UBASH3A: variants seen among roughly 807,000 people sequenced by gnomAD.
The protein encoded by UBASH3A is ubiquitin-associated and SH3 domain-containing protein A.
A neutral mutation model predicts 73.5 loss-of-function variants in UBASH3A; 63 were observed. The observed-to-expected ratio is 0.86, with a 90% CI of 0.70 to 1.06. The LOEUF (loss-of-function observed/expected upper bound fraction) is 1.06, where lower values mean the gene tolerates loss of function less well. Ranked by LOEUF, UBASH3A falls within the 50% of genes least tolerant of loss-of-function variation. The pLI is 0.00. For missense variants in UBASH3A, 860 were observed against 859.0 expected, an observed-to-expected ratio of 1.00 and a Z score of -0.02; for synonymous variants, 363 against 351.1, an observed-to-expected ratio of 1.03 and a Z score of -0.38.
At chr21:42,433,118 G>A (rs758484279) in intron 9 of UBASH3A, among the ~76,000 whole-genome samples, 8 of 152,058 alleles carry the variant, frequency 5.3e-5, no homozygotes, top group African/African-American at 7.3e-5. Context: ...AAAAATATTT[G>A]GTCATCTGGA....
chr21:42,433,949 G>C (rs2053581778), intron 9 of UBASH3A, among the ~76,000 whole-genome samples: 1 of 152,182 alleles, frequency 6.6e-6, no homozygotes, highest in Non-Finnish European at 1.5e-5. Context: ...GGTCAGTGTG[G>C]CTGCTGGAAC....
chr21:42,439,846 CACA>C, intron 11 of UBASH3A, among the ~76,000 whole-genome samples: 1 of 148,248 alleles, frequency 6.7e-6, no homozygotes, highest in African/African-American at 2.5e-5. Context: ...ACACACAACA[CACA>C]ACACACACAC....
chr21:42,408,065 G>A (rs2053014617), intron 2 of UBASH3A, among the ~76,000 whole-genome samples: 4 of 152,190 alleles, frequency 2.6e-5, no homozygotes, highest in South Asian at 2.1e-4. Context: ...CTATAAGTCC[G>A]TTACTTAAAT....
At chr21:42,429,103 C>T (rs1180428485) in intron 8 of UBASH3A, among the ~76,000 whole-genome samples, 2 of 152,208 alleles carry the variant, frequency 1.3e-5, no homozygotes, top group African/African-American at 2.4e-5. Context: ...GGAGGCCATG[C>T]AGCCAGAGAG....
intron 11 of UBASH3A, among the ~76,000 whole-genome samples, chr21:42,439,171 C>T (rs2053684913): frequency 6.6e-6 from 1 of 152,176 alleles, no homozygotes; most frequent in South Asian, 2.1e-4. Flanking sequence ...CATTCCTGTC[C>T]TGTGCTCTCA....
chr21:42,413,108 CCTCTGG>C lies in UBASH3A; in HGVS notation c.444_449del (p.Ala149_Leu150del), dbSNP rs766846330. On this transcript the variant is annotated inframe_deletion, in exon 4 of 15. Coordinates refer to ENST00000319294, the MANE Select transcript of UBASH3A (RefSeq NM_018961.4). The surrounding 1 kb of genome is among the most constrained non-coding windows in gnomAD (Gnocchi z 4.5). Reference sequence around the variant, plus strand: ...CCTGGGCTCCTTCCCCACGGCCGTGCCTCTGGCTCTCCACTCCTCCATCAGCTACCT... The same window carrying C: ...CCTGGGCTCCTTCCCCACGGCCGTGCCTCTCCACTCCTCCATCAGCTACCT... 1 of 1,614,226 alleles carries C rather than the reference CCTCTGG, an allele frequency of 6.2e-7. No individual in the cohort carries two copies. Among genetic ancestry groups the C allele is most frequent in the South Asian group, 1.1e-5 (1 of 91,088 alleles).
chr21:42,421,878 A>G (rs1170304295), intron 7 of UBASH3A, among the ~76,000 whole-genome samples: 1 of 152,250 alleles, frequency 6.6e-6, no homozygotes, highest in African/African-American at 2.4e-5. Context: ...AGATGGTTTA[A>G]TAGTACCTGA....
In UBASH3A at chr21:42,432,100, C is replaced by CA. The variant is rs1568931013; in HGVS notation, c.1171-2dup. 2 of 1,608,128 alleles carry CA rather than the reference C, an allele frequency of 1.2e-6. No individual in the cohort carries two copies. Among genetic ancestry groups the CA allele is most frequent in the Non-Finnish European group, 1.7e-6 (2 of 1,175,524 alleles). ...GTGCCTTGCTTCCTGCCCCACCCCC[C>CA]AGGCTACCGTTGCAAGGAAGAGCGT... On this transcript the variant is annotated splice_region_variant and splice_polypyrimidine_tract_variant and intron_variant, in intron 8 of 14. Coordinates refer to ENST00000319294, the MANE Select transcript of UBASH3A (RefSeq NM_018961.4).
intron 3 of UBASH3A, among the ~76,000 whole-genome samples, chr21:42,411,356 C>T (rs1238763275): frequency 1.3e-5 from 2 of 152,098 alleles, no homozygotes; most frequent in Non-Finnish European, 2.9e-5. Flanking sequence ...CACACAGACA[C>T]ACACAGAGAC....
chr21:42,442,349 T>G lies in UBASH3A; in HGVS notation c.1487-103T>G. ...AAATCACACTGTTTAAAAGGCATGA[T>G]TTAGACGTGTGTGTGACGGTCTGAG... On this transcript the variant is annotated intron_variant, in intron 11 of 14. Coordinates refer to ENST00000319294, the MANE Select transcript of UBASH3A (RefSeq NM_018961.4). The G allele has an allele frequency of 4.2e-6, 5 of 1,190,768 alleles. No individual in the cohort carries two copies. In the South Asian group the frequency reaches 7.1e-5, roughly 17 times the overall value. 73.8% of individuals were successfully genotyped at this position (1,190,768 alleles called of 1,614,324 possible). A position where few individuals can be genotyped will look rare whatever the true frequency, so the allele number is the denominator to read the frequency against.
At chr21:42,417,130 T>A (rs1484577391) in intron 6 of UBASH3A, among the ~76,000 whole-genome samples, 1 of 151,660 alleles carries the variant, frequency 6.6e-6, no homozygotes, top group Non-Finnish European at 1.5e-5. Flanking sequence ...ATTTCCAATA[T>A]TAGAAAAGGA....
At chr21:42,444,383 G>A (rs1601607948) in intron 13 of UBASH3A, 151 bp from the exon 14 acceptor site, 15 of 684,670 alleles carry the variant, frequency 2.2e-5, no homozygotes, top group Non-Finnish European at 3.9e-5. Context: ...TCACTGAGCG[G>A]TTACCAGCCA....
At position 42,435,631 on chromosome 21, in the gene UBASH3A, ATCATAGAGTTATAGAG is replaced by A. The variant is rs1014823800; in HGVS notation, c.1393+695_1393+710del. The A allele has an allele frequency of 8.6e-5, 13 of 151,788 alleles. No homozygotes were observed. In the East Asian group the frequency reaches 2.3e-3, roughly 27 times the overall value. 9.4% of individuals were successfully genotyped at this position (151,788 alleles called of 1,614,324 possible). ...TTATAGAGTTAGTTATAGAGTTAGA[ATCATAGAGTTATAGAG>A]TCATAGAGTTATAGAGTTAGAGTTA... On this transcript the variant is annotated intron_variant, in intron 10 of 14. Transcript: ENST00000319294.
intron 7 of UBASH3A, among the ~76,000 whole-genome samples, chr21:42,419,782 A>G (rs962954229): frequency 6.6e-6 from 1 of 152,254 alleles, no homozygotes; most frequent in African/African-American, 2.4e-5. Flanking sequence ...TCAAGTGCCC[A>G]TACAATCATT....
intron 7 of UBASH3A, 130 bp downstream of exon 7, chr21:42,418,739 T>C (rs2053274582): frequency 6.1e-6 from 5 of 824,626 alleles, no homozygotes; most frequent in South Asian, 3.4e-5. Context: ...GCTGACAAAA[T>C]TATTCCTGCA....
chr21:42,422,586 C>T (rs1308134836), intron 7 of UBASH3A, among the ~76,000 whole-genome samples: 1 of 152,028 alleles, frequency 6.6e-6, no homozygotes, highest in African/African-American at 2.4e-5. Context: ...CCTCAACTGC[C>T]TATAGAAGAG....
chr21:42,445,556 C>T (rs759718439), intron 14 of UBASH3A, among the ~76,000 whole-genome samples: 37 of 152,356 alleles, frequency 2.4e-4, no homozygotes, highest in Admixed American at 5.9e-4. Flanking sequence ...CCCAGTGACA[C>T]CAGCCAGGTG....
At chr21:42,408,891 A>G (rs201629468) in intron 2 of UBASH3A, among the ~76,000 whole-genome samples, 1 of 103,412 alleles carries the variant, frequency 9.7e-6, no homozygotes, top group Non-Finnish European at 2.0e-5. Context: ...TCAAAAATAA[A>G]ATAAAATAAA....
intron 3 of UBASH3A, among the ~76,000 whole-genome samples, chr21:42,410,887 A>G (rs1025487381): frequency 6.6e-6 from 1 of 152,144 alleles, no homozygotes; most frequent in Non-Finnish European, 1.5e-5. Context: ...ACACACACAT[A>G]CATGCATACA....
Sources: gnomAD v4.1 joint callset for allele counts (sites outside exome capture counted in the v4.1 genomes callset) on GRCh38, gnomAD v4.1.1 for gene constraint, Gnocchi (gnomAD v3.1) non-coding constraint, MANE v1.5 for transcripts, NCBI Gene and HGNC (gene_info 2026-07-23, HGNC 2026-07-21) for gene names.